WAC: variants seen among roughly 807,000 people sequenced by gnomAD.
The protein encoded by WAC is WW domain-containing adapter protein with coiled-coil.
A neutral mutation model predicts 79.6 loss-of-function variants in WAC; 11 were observed. The ratio of observed to expected loss-of-function variants is 0.14; its 90% CI spans 0.09 to 0.23. The LOEUF is 0.23. Ranked by LOEUF, WAC falls within the 10% of genes least tolerant of loss-of-function variation. The pLI, the probability that WAC is intolerant of heterozygous loss-of-function variation, is 1.00. For synonymous variants in WAC, 304 were observed against 276.9 expected, an observed-to-expected ratio of 1.10 and a Z score of -0.97; for missense variants, 728 against 773.5, an observed-to-expected ratio of 0.94 and a Z score of 0.70.
chr10:28,583,170 TC>T (rs1349831187), intron 3 of WAC, among the ~76,000 whole-genome samples: 1 of 152,054 alleles, frequency 6.6e-6, no homozygotes, highest in Non-Finnish European at 1.5e-5. Context: ...ATGCTGCTGT[TC>T]CAGGACATAT....
intron 4 of WAC, among the ~76,000 whole-genome samples, chr10:28,588,452 G>C (rs577396304): frequency 4.6e-5 from 7 of 152,082 alleles, no homozygotes; most frequent in Non-Finnish European, 8.8e-5. Context: ...TTCCAGACTC[G>C]GTGTTAATTT....
intron 6 of WAC, chr10:28,591,865 CTG>C (rs1459275493): frequency 1.3e-5 from 2 of 148,188 alleles, no homozygotes; most frequent in East Asian, 4.0e-4. Context: ...AAAAAATTAA[CTG>C]TCACATAGAC....
intron 1 of WAC, 138 bp from the exon 2 acceptor site, chr10:28,533,860 C>A (rs756583106): frequency 3.3e-5 from 38 of 1,144,676 alleles, no homozygotes; most frequent in Non-Finnish European, 4.1e-5. Context: ...GGGTTTGTGC[C>A]GTGTGCGTGC....
At chr10:28,605,128 A>G (rs573455329) in intron 7 of WAC, among the ~76,000 whole-genome samples, 1 of 152,366 alleles carries the variant, frequency 6.6e-6, no homozygotes, top group South Asian at 2.1e-4. Context: ...ACCTGCATGG[A>G]TAAAAGATTT....
At chr10:28,564,645 C>T (rs897838207) in intron 3 of WAC, among the ~76,000 whole-genome samples, 5 of 152,124 alleles carry the variant, frequency 3.3e-5, no homozygotes, top group Admixed American at 1.3e-4. Context: ...TTATATTTAG[C>T]TAGTTTTTTA....
chr10:28,547,891 C>T (rs955897289), intron 3 of WAC, among the ~76,000 whole-genome samples: 1 of 148,770 alleles, frequency 6.7e-6, no homozygotes, highest in Non-Finnish European at 1.5e-5. Context: ...TTTTTAATTA[C>T]ATTTTAATTT....
rs1388569728 is a variant in WAC at position 28,622,826 on chromosome 10, G to A, written c.*3220G>A. On this transcript the variant is annotated 3_prime_UTR_variant, in exon 14 of 14. Coordinates refer to ENST00000354911, the MANE Select transcript of WAC (RefSeq NM_016628.5). Reference sequence around the variant, plus strand: ...GAGGGACTGTTTGAAAGGGGAGAGGGCAACGCGGGAAATAATTCACTCTGC... The same window carrying A: ...GAGGGACTGTTTGAAAGGGGAGAGGACAACGCGGGAAATAATTCACTCTGC... 1 of 152,086 alleles carries A rather than the reference G, an allele frequency of 6.6e-6. No homozygotes were observed. Among genetic ancestry groups the A allele is most frequent in the Non-Finnish European group, 1.5e-5 (1 of 68,018 alleles). The allele number at this position is 152,086 out of a possible 1,614,324, so 9.4% of individuals were successfully genotyped here. A position where few individuals can be genotyped will look rare whatever the true frequency, so the allele number is the denominator to read the frequency against.
intron 4 of WAC, among the ~76,000 whole-genome samples, chr10:28,586,111 C>T (rs893796844): frequency 2.0e-5 from 3 of 152,112 alleles, no homozygotes; most frequent in Non-Finnish European, 2.9e-5. Flanking sequence ...ACAAACAGCC[C>T]TTATGAACTG....
chr10:28,601,524 G>A (rs1215516815), intron 7 of WAC, among the ~76,000 whole-genome samples: 1 of 152,120 alleles, frequency 6.6e-6, no homozygotes, highest in Non-Finnish European at 1.5e-5. Context: ...AAGTTAAACA[G>A]AATTATGTGT....
chr10:28,549,727 C>A (rs1350527104), intron 3 of WAC, among the ~76,000 whole-genome samples: 1 of 152,126 alleles, frequency 6.6e-6, no homozygotes, highest in Non-Finnish European at 1.5e-5. Context: ...GTTTTTCTCT[C>A]CGCTTCCACA....
intron 4 of WAC, among the ~76,000 whole-genome samples, chr10:28,588,137 G>A (rs995370736): frequency 6.6e-6 from 1 of 152,114 alleles, no homozygotes; most frequent in African/African-American, 2.4e-5. Flanking sequence ...CACTTGGCAA[G>A]CAAACCAAGC....
At chr10:28,588,830 G>A (rs2132663354) in intron 4 of WAC, 1 of 152,106 alleles carries the variant, frequency 6.6e-6, no homozygotes, top group South Asian at 2.1e-4. Context: ...AGAGTAATTT[G>A]CATATCATCT....
chr10:28,581,274 A>G (rs1003601400), intron 3 of WAC, among the ~76,000 whole-genome samples: 1 of 104,762 alleles, frequency 9.5e-6, no homozygotes, highest in Non-Finnish European at 1.8e-5. Flanking sequence ...TTTTTTTAAG[A>G]CGGGTTCTCA....
chr10:28,586,862 C>T (rs1839844944), intron 4 of WAC, among the ~76,000 whole-genome samples: 1 of 152,066 alleles, frequency 6.6e-6, no homozygotes, highest in Non-Finnish European at 1.5e-5. Flanking sequence ...TATTCTATGC[C>T]AATTTTGATT....
chr10:28,586,780 G>A (rs1262151536), intron 4 of WAC, among the ~76,000 whole-genome samples: 3 of 151,946 alleles, frequency 2.0e-5, no homozygotes, highest in East Asian at 1.9e-4. Flanking sequence ...TTTCAAAGGG[G>A]GCTCTGAATT....
chr10:28,614,429 C>T lies in WAC; in HGVS notation c.1438-138C>T, dbSNP rs1047003769. 3 of 682,502 alleles carry T rather than the reference C, an allele frequency of 4.4e-6. No homozygotes were observed. The African/African-American group carries it at 5.4e-5, about 12-fold the overall frequency. The allele number at this position is 682,502 out of a possible 1,614,324, so 42.3% of individuals were successfully genotyped here. On this transcript the variant is annotated intron_variant, in intron 10 of 13. Coordinates refer to ENST00000354911, the MANE Select transcript of WAC (RefSeq NM_016628.5). ...GGGAAGTAATTTTATGACCTTGGGC[C>T]ATTTTCACAAAGAAATGAGATCTAA... is the stretch of plus-strand genomic sequence containing the variant.
rs1370516143 is a variant in WAC, at chr10:28,595,862, A to G, written c.740A>G (p.Gln247Arg). ...AETHSSSTPV[Q>R]HPIKPVVHPT... The stretch of plus-strand genomic sequence containing the variant: ...ACTCACAGTAGTTCTACGCCAGTAC[A>G]GCACCCCATCAAACCAGTGGTTCAT... Residue 247 changes from glutamine (Q) to arginine (R), a missense_variant, in exon 7 of 14, where the codon CAG becomes CGG. This residue lies in a region of WAC where 648 missense variants were observed against 661.5 expected (regional missense o/e 0.98). Transcript: ENST00000354911. 1 of 1,614,082 alleles carries G rather than the reference A, an allele frequency of 6.2e-7. No homozygotes were observed. The highest frequency in any genetic ancestry group is 8.5e-7 in the Non-Finnish European group (1 of 1,180,016).
rs571458016 is a variant in WAC at position 28,588,163 on chromosome 10, C to T, written c.382-1573C>T. Among the ~76,000 whole-genome samples the T allele has an allele frequency of 6.6e-5, 10 of 152,190 alleles. No homozygotes were observed. In the South Asian group the frequency reaches 8.3e-4, roughly 13 times the overall value. On this transcript the variant is annotated intron_variant, in intron 4 of 13. Transcript: ENST00000354911. ...CAAACCAAGCCTTCCAGATAACATC[C>T]GTAGAAGGGATCAGTTGCATAATAA...
rs112236468 is a variant in WAC at position 28,535,332 on chromosome 10, TG to T, written c.79-227del. On this transcript the variant is annotated intron_variant, in intron 2 of 13. Coordinates refer to ENST00000354911, the MANE Select transcript of WAC (RefSeq NM_016628.5). ...CAAGGTGGTTTATAAGATAATGGAG[TG>T]GGTTTTTTTTGTGTTTAGTGTGATT... 817 of 359,824 alleles carry T rather than the reference TG, an allele frequency of 2.3e-3. 5 individuals are homozygous for T. The highest frequency in any genetic ancestry group is 0.015 in the African/African-American group (700 of 46,968). The allele number at this position is 359,824 out of a possible 1,614,324, so 22.3% of individuals were successfully genotyped here. A position where few individuals can be genotyped will look rare whatever the true frequency, so the allele number is the denominator to read the frequency against.
Sources: allele counts gnomAD v4.1 joint callset (sites outside exome capture counted in the v4.1 genomes callset), GRCh38; gene constraint gnomAD v4.1.1; regional missense constraint gnomAD v4.1.1; transcripts MANE v1.5; gene names NCBI Gene and HGNC (gene_info 2026-07-23, HGNC 2026-07-21).